Variants in ELAPOR2 observed in about 807,000 individuals in gnomAD.
ELAPOR2 encodes the protein endosome/lysosome-associated apoptosis and autophagy regulator family member 2.
A neutral mutation model predicts 120.7 loss-of-function variants in ELAPOR2; 89 were observed. That is an observed-to-expected ratio of 0.74 (90% CI 0.62 to 0.88). The LOEUF (loss-of-function observed/expected upper bound fraction) is 0.88, where lower values mean the gene tolerates loss of function less well. Among genes scored for constraint, ELAPOR2 ranks in the 40% least tolerant of loss-of-function variants. The pLI is 0.00. For synonymous variants in ELAPOR2, 444 were observed against 444.9 expected (o/e 1.00, Z 0.03); for missense variants, 1,134 against 1,251.6 (o/e 0.91, Z 1.42).
intron 1 of ELAPOR2, among the ~76,000 whole-genome samples, chr7:87,023,781 A>G (rs183051785): frequency 0.02 from 2,979 of 152,186 alleles, 104 homozygotes; most frequent in African/African-American, 0.067. Flanking sequence ...GGTCCTTCAC[A>G]TCCCTTGTAA....
Position 86,921,316 on chromosome 7 carries a change from G to A in ELAPOR2, c.1400-2006C>T, listed in dbSNP as rs12673605. Among the ~76,000 whole-genome samples the A allele has an allele frequency of 1.2e-4, 19 of 152,186 alleles. 1 individual carries two copies. In the East Asian group the frequency reaches 3.7e-3, roughly 30 times the overall value. On this transcript the variant is annotated intron_variant, in intron 10 of 21. Coordinates refer to ENST00000450689, the MANE Select transcript of ELAPOR2 (RefSeq NM_001142749.3). ...TGGGCCTTAATCCAAAATGACTGGT[G>A]TCCTTATGAGGGGAGGAAAATACGG... is the stretch of plus-strand genomic sequence containing the variant.
chr7:86,887,660 T>C (rs1379864746), intron 21 of ELAPOR2, among the ~76,000 whole-genome samples: 1 of 152,122 alleles, frequency 6.6e-6, no homozygotes. Context: ...CAGCGGACCT[T>C]CTACATTTCC....
intron 1 of ELAPOR2, among the ~76,000 whole-genome samples, chr7:87,054,197 G>T (rs1280362233): frequency 6.6e-6 from 1 of 152,196 alleles, no homozygotes; most frequent in Admixed American, 6.5e-5. Flanking sequence ...CAACCAAAAT[G>T]TGGCTAGTGT....
chr7:86,913,079 G>A lies in ELAPOR2; in HGVS notation c.1857C>T (p.Val619=), dbSNP rs890488083. 4 of 1,614,066 alleles carry A rather than the reference G, an allele frequency of 2.5e-6. No individual in the cohort carries two copies. The change falls in exon 14 of 22, where the codon GTC becomes GTT. Residue 619 remains valine, a synonymous_variant. Transcript: ENST00000450689. ...CAATGTAGTGGCCTGGAGGGCAGGG[G>A]ACACACGATGAACCCGACTGTTCAG... is the stretch of plus-strand genomic sequence containing the variant. The part of the protein sequence containing the change: ...LGSEQSGSSC[V]PCPPGHYIEK...
At chr7:86,955,871 C>G (rs951371950) in intron 2 of ELAPOR2, among the ~76,000 whole-genome samples, 1 of 150,640 alleles carries the variant, frequency 6.6e-6, no homozygotes, top group Non-Finnish European at 1.5e-5. Context: ...TACCATGCAG[C>G]CAGAAGATTT....
At chr7:86,907,551 T>A in intron 18 of ELAPOR2, 119 bp downstream of exon 18, 9 of 630,406 alleles carry the variant, frequency 1.4e-5, no homozygotes, top group East Asian at 3.4e-5. Context: ...AAAAAAACCC[T>A]ACAGATTGTT....
chr7:86,922,334 C>A (rs1414337603), intron 10 of ELAPOR2, among the ~76,000 whole-genome samples: 1 of 151,432 alleles, frequency 6.6e-6, no homozygotes, highest in Non-Finnish European at 1.5e-5. Flanking sequence ...CTCATATTTT[C>A]CATGTTTCTG....
intron 1 of ELAPOR2, among the ~76,000 whole-genome samples, chr7:87,026,461 A>C (rs529450720): frequency 6.6e-6 from 1 of 152,084 alleles, no homozygotes; most frequent in East Asian, 1.9e-4. Flanking sequence ...TTAAAAAAAA[A>C]AAGACTCTCT....
chr7:86,973,296 A>T (rs1583929823), intron 1 of ELAPOR2, among the ~76,000 whole-genome samples: 1 of 152,178 alleles, frequency 6.6e-6, no homozygotes, highest in African/African-American at 2.4e-5. Flanking sequence ...ATTTCTTAAC[A>T]TTATTCATAT....
At chr7:86,897,665 G>C in intron 18 of ELAPOR2, 33 bp from the exon 19 acceptor site, 9 of 1,611,610 alleles carry the variant, frequency 5.6e-6, no homozygotes, top group Non-Finnish European at 7.6e-6. Flanking sequence ...AAACACATAA[G>C]TGGCAGCTTT....
intron 1 of ELAPOR2, among the ~76,000 whole-genome samples, chr7:87,022,268 C>T (rs1256663635): frequency 7.5e-6 from 1 of 133,294 alleles, no homozygotes; most frequent in African/African-American, 2.8e-5. Flanking sequence ...TGTGATGTTC[C>T]CCTTCCTGTG....
intron 1 of ELAPOR2, among the ~76,000 whole-genome samples, chr7:86,965,320 C>A (rs899015509): frequency 6.6e-6 from 1 of 152,116 alleles, no homozygotes; most frequent in Admixed American, 6.6e-5. Context: ...CTCTTGCAGG[C>A]TTTTTAAGCT....
intron 1 of ELAPOR2, among the ~76,000 whole-genome samples, chr7:87,022,837 G>A (rs1047696193): frequency 1.3e-5 from 2 of 151,858 alleles, no homozygotes; most frequent in Non-Finnish European, 2.9e-5. Flanking sequence ...CAGTGATAAT[G>A]AGCATTTTTT....
intron 5 of ELAPOR2, among the ~76,000 whole-genome samples, chr7:86,941,639 A>ATATG (rs1349567676): frequency 5.3e-5 from 8 of 152,072 alleles, no homozygotes; most frequent in Non-Finnish European, 1.2e-4. Context: ...ATTCGATCAC[A>ATATG]TATGACAGGC....
chr7:86,955,413 T>C (rs948921351), intron 2 of ELAPOR2, among the ~76,000 whole-genome samples: 1 of 152,058 alleles, frequency 6.6e-6, no homozygotes, highest in Admixed American at 6.6e-5. Flanking sequence ...TGAGGGTAGT[T>C]TTCATGTCAA....
At chr7:87,024,334 G>A (rs547746501) in intron 1 of ELAPOR2, among the ~76,000 whole-genome samples, 32 of 152,168 alleles carry the variant, frequency 2.1e-4, no homozygotes, top group African/African-American at 7.0e-4. Context: ...TGTGGTTTTC[G>A]TCGTTGGTTC....
intron 1 of ELAPOR2, among the ~76,000 whole-genome samples, chr7:86,981,495 T>C (rs939587754): frequency 6.6e-6 from 1 of 152,150 alleles, no homozygotes; most frequent in South Asian, 2.1e-4. Flanking sequence ...CAGCTATTCC[T>C]CCCACCATCT....
chr7:87,017,425 T>C (rs1007766907), intron 1 of ELAPOR2, among the ~76,000 whole-genome samples: 1 of 152,168 alleles, frequency 6.6e-6, no homozygotes, highest in Non-Finnish European at 1.5e-5. Context: ...TGCCCCTGAC[T>C]TGGAAAAATG....
chr7:86,944,773 G>A, intron 4 of ELAPOR2, 126 bp downstream of exon 4: 5 of 643,210 alleles, frequency 7.8e-6, no homozygotes, highest in Non-Finnish European at 1.0e-5. Context: ...ACATCAAAAG[G>A]TTCAGTTAAC....
Sources: gnomAD v4.1 joint callset for allele counts (sites outside exome capture counted in the v4.1 genomes callset) on GRCh38, gnomAD v4.1.1 for gene constraint, MANE v1.5 for transcripts, NCBI Gene and HGNC (gene_info 2026-07-23, HGNC 2026-07-21) for gene names.